The following ENTREP2 variants were observed in gnomAD, a reference collection of about 807,000 sequenced individuals.
ENTREP2 encodes endosomal transmembrane epsin interactor 2.
the ENTREP2 span, among the ~76,000 whole-genome samples, chr15:29,620,812 A>G: frequency 1.6e-3 from 239 of 152,190 alleles, 1 homozygote; most frequent in African/African-American, 5.6e-3. Context: ...GGTTCATCTT[A>G]CTGAGAGGTG....
the ENTREP2 span, among the ~76,000 whole-genome samples, chr15:29,457,814 A>G: frequency 2.0e-5 from 3 of 152,080 alleles, no homozygotes; most frequent in Non-Finnish European, 4.4e-5. Context: ...GCTTGCCTCC[A>G]TCAAGGACCA....
At chr15:29,122,702 C>T in the ENTREP2 span, 2 of 152,220 alleles carry the variant, frequency 1.3e-5, no homozygotes, top group African/African-American at 4.8e-5. Flanking sequence ...GGCCTGTTCC[C>T]TGGGGGGGGC....
chr15:29,428,945 G>A, the ENTREP2 span, among the ~76,000 whole-genome samples: 1 of 152,212 alleles, frequency 6.6e-6, no homozygotes, highest in Non-Finnish European at 1.5e-5. Context: ...GATTTGCTGG[G>A]TGGCTGATGA....
At chr15:29,617,172 C>G in the ENTREP2 span, among the ~76,000 whole-genome samples, 1 of 152,142 alleles carries the variant, frequency 6.6e-6, no homozygotes, top group South Asian at 2.1e-4. Flanking sequence ...GCTGGAGGCC[C>G]GGGAAAGCCA....
the ENTREP2 span, among the ~76,000 whole-genome samples, chr15:29,328,213 T>C: frequency 6.6e-6 from 1 of 152,206 alleles, no homozygotes; most frequent in Non-Finnish European, 1.5e-5. Flanking sequence ...TCCAATGACA[T>C]GGCATTCTGG....
At chr15:29,217,066 T>C in the ENTREP2 span, among the ~76,000 whole-genome samples, 1 of 152,194 alleles carries the variant, frequency 6.6e-6, no homozygotes, top group Admixed American at 6.5e-5. Context: ...GTTAAAAGGA[T>C]AAATGGTTAC....
chr15:29,141,782 T>C, the ENTREP2 span, among the ~76,000 whole-genome samples: 1 of 152,200 alleles, frequency 6.6e-6, no homozygotes, highest in Non-Finnish European at 1.5e-5. Flanking sequence ...CTGAATCAAC[T>C]TCCTCCTGGA....
the ENTREP2 span, among the ~76,000 whole-genome samples, chr15:29,410,078 C>G: frequency 2.0e-5 from 3 of 152,204 alleles, no homozygotes; most frequent in African/African-American, 7.2e-5. Flanking sequence ...TGCTGCGTGC[C>G]TGCCCTCTGC....
At chr15:29,266,399 A>G in the ENTREP2 span, 2 of 152,242 alleles carry the variant, frequency 1.3e-5, no homozygotes, top group Non-Finnish European at 2.9e-5. Context: ...CAGCTTGGCA[A>G]TAGTCCTTGA....
chr15:29,144,811 G>A, the ENTREP2 span, among the ~76,000 whole-genome samples: 5 of 151,606 alleles, frequency 3.3e-5, no homozygotes, highest in East Asian at 1.9e-4. Context: ...AGGCTGAGGC[G>A]GCTGGACCAC....
the ENTREP2 span, among the ~76,000 whole-genome samples, chr15:29,369,529 A>C: frequency 3.3e-5 from 5 of 152,356 alleles, no homozygotes; most frequent in South Asian, 1.0e-3. Context: ...ATGCTGAGAT[A>C]ATTTGTCTCT....
At chr15:29,505,659 G>A in the ENTREP2 span, among the ~76,000 whole-genome samples, 3 of 152,212 alleles carry the variant, frequency 2.0e-5, no homozygotes, top group Non-Finnish European at 4.4e-5. The surrounding 1 kb of genome is among the most constrained non-coding windows in gnomAD (Gnocchi z 4.3). Flanking sequence ...ACCTGAAGAT[G>A]AGGGGCCTGA....
chr15:29,295,336 A>G, the ENTREP2 span, among the ~76,000 whole-genome samples: 1 of 152,098 alleles, frequency 6.6e-6, no homozygotes, highest in Non-Finnish European at 1.5e-5. Flanking sequence ...CCTCTTTCCC[A>G]CTTGGTGTCC....
At chr15:29,659,062 TC>T in the ENTREP2 span, among the ~76,000 whole-genome samples, 2 of 152,344 alleles carry the variant, frequency 1.3e-5, no homozygotes, top group South Asian at 4.1e-4. Context: ...AATGAACCTG[TC>T]CTTTCTAGCA....
chr15:29,245,956 T>A, the ENTREP2 span, among the ~76,000 whole-genome samples: 16 of 152,350 alleles, frequency 1.1e-4, no homozygotes, highest in South Asian at 1.4e-3. Context: ...ATGCTCTGAC[T>A]GCAGGGACGG....
the ENTREP2 span, among the ~76,000 whole-genome samples, chr15:29,190,376 G>C: frequency 6.6e-6 from 1 of 151,868 alleles, no homozygotes; most frequent in Non-Finnish European, 1.5e-5. Flanking sequence ...AAAAAACAGA[G>C]AATCTAGGAG....
At chr15:29,194,209 C>G in the ENTREP2 span, among the ~76,000 whole-genome samples, 1 of 152,232 alleles carries the variant, frequency 6.6e-6, no homozygotes, top group Admixed American at 6.5e-5. Flanking sequence ...ATACTCGCTT[C>G]CAATAGTCCC....
At chr15:29,424,866 CTG>C in the ENTREP2 span, among the ~76,000 whole-genome samples, 3 of 152,194 alleles carry the variant, frequency 2.0e-5, no homozygotes, top group Non-Finnish European at 4.4e-5. Context: ...CTTATCATGT[CTG>C]TGTCTCCAAG....
the ENTREP2 span, chr15:29,269,157 T>C: frequency 6.2e-7 from 1 of 1,614,130 alleles, no homozygotes; most frequent in Non-Finnish European, 8.5e-7. Context: ...AGATGAGCCC[T>C]AAGACGATCA....
Sources: allele counts gnomAD v4.1 joint callset (sites outside exome capture counted in the v4.1 genomes callset), GRCh38; gene constraint gnomAD v4.1.1; non-coding constraint Gnocchi (gnomAD v3.1); transcripts MANE v1.5; gene names NCBI Gene and HGNC (gene_info 2026-07-23, HGNC 2026-07-21).